CNTNAP2: variants seen among roughly 807,000 people sequenced by gnomAD.
CNTNAP2 encodes the protein contactin-associated protein-like 2.
Under a neutral mutation model 155.2 loss-of-function variants are expected in CNTNAP2, and 98 were observed. The ratio of observed to expected loss-of-function variants is 0.63; its 90% CI spans 0.54 to 0.75. The LOEUF is 0.75. CNTNAP2 is among the 30% of genes least tolerant of loss of function. The pLI, the probability that CNTNAP2 is intolerant of heterozygous loss-of-function variation, is 0.00. For missense variants in CNTNAP2, 1,727 were observed against 1,688.1 expected (o/e 1.02, Z -0.40); for synonymous variants, 651 against 631.2 (o/e 1.03, Z -0.47).
intron 3 of CNTNAP2, among the ~76,000 whole-genome samples, chr7:147,037,251 T>C (rs899636317): frequency 1.3e-5 from 2 of 151,978 alleles, no homozygotes; most frequent in African/African-American, 4.8e-5. Flanking sequence ...AGTGATATGA[T>C]AAAAAGCATC....
intron 15 of CNTNAP2, among the ~76,000 whole-genome samples, chr7:148,047,431 T>C (rs951763686): frequency 2.6e-5 from 4 of 152,194 alleles, no homozygotes; most frequent in Non-Finnish European, 5.9e-5. Flanking sequence ...AAAGCTTATC[T>C]AATAGGCATG....
intron 3 of CNTNAP2, among the ~76,000 whole-genome samples, chr7:146,859,316 T>G (rs1795051733): frequency 6.6e-6 from 1 of 152,212 alleles, no homozygotes; most frequent in Admixed American, 6.5e-5. Context: ...GCCCCTATAG[T>G]TATTGAAGGA....
At chr7:146,550,422 T>TTTTTG (rs1798103636) in intron 1 of CNTNAP2, among the ~76,000 whole-genome samples, 2 of 141,928 alleles carry the variant, frequency 1.4e-5, no homozygotes. Flanking sequence ...TTTTTTTTTT[T>TTTTTG]TTTTTTTATA....
At chr7:147,922,737 T>C (rs1402173726) in intron 14 of CNTNAP2, among the ~76,000 whole-genome samples, 2 of 152,184 alleles carry the variant, frequency 1.3e-5, no homozygotes, top group Admixed American at 1.3e-4. Flanking sequence ...CATGTTCATC[T>C]CTATTAATTA....
At chr7:146,945,190 G>A (rs932552859) in intron 3 of CNTNAP2, among the ~76,000 whole-genome samples, 5 of 152,178 alleles carry the variant, frequency 3.3e-5, no homozygotes, top group African/African-American at 9.6e-5. Context: ...TCTTGTTATC[G>A]TCTGCACCCT....
intron 1 of CNTNAP2, among the ~76,000 whole-genome samples, chr7:146,315,895 A>G (rs997376298): frequency 1.3e-5 from 2 of 152,200 alleles, no homozygotes; most frequent in African/African-American, 4.8e-5. Context: ...CTCTTTTCAT[A>G]AAAAGGAAAA....
intron 2 of CNTNAP2, among the ~76,000 whole-genome samples, chr7:146,824,843 T>C (rs139957227): frequency 0.022 from 3,207 of 142,586 alleles, 107 homozygotes; most frequent in African/African-American, 0.074. Flanking sequence ...TATTAAGGTG[T>C]ACAAAGAATT....
In CNTNAP2 at chr7:147,694,771, T is replaced by G. The variant is rs1230063009; in HGVS notation, c.2098+55465T>G. On this transcript the variant is annotated intron_variant, in intron 13 of 23. Coordinates refer to ENST00000361727, the MANE Select transcript of CNTNAP2 (RefSeq NM_014141.6). ...GGCTTATCAATGTTACTGATCTTTTTGAAGAACCTGTTTTCAGTTTTGTTG... is the reference window on the plus strand; with the variant it reads ...GGCTTATCAATGTTACTGATCTTTTGGAAGAACCTGTTTTCAGTTTTGTTG... Among the ~76,000 whole-genome samples the G allele has an allele frequency of 8.5e-5, 13 of 152,164 alleles. No individual in the cohort carries two copies. The South Asian group carries it at 2.1e-3, about 24-fold the overall frequency.
intron 15 of CNTNAP2, among the ~76,000 whole-genome samples, chr7:148,000,403 C>T (rs757010939): frequency 2.0e-5 from 3 of 152,122 alleles, no homozygotes; most frequent in Admixed American, 6.5e-5. Flanking sequence ...ACATCTGTTG[C>T]GTATCTACCA....
chr7:146,795,392 G>T (rs772997611), intron 2 of CNTNAP2, among the ~76,000 whole-genome samples: 9 of 152,154 alleles, frequency 5.9e-5, no homozygotes, highest in Non-Finnish European at 1.2e-4. Context: ...AACATTAAAA[G>T]TACAGAATAT....
intron 3 of CNTNAP2, among the ~76,000 whole-genome samples, chr7:147,030,391 T>C (rs1799006907): frequency 6.6e-6 from 1 of 152,208 alleles, no homozygotes; most frequent in Admixed American, 6.5e-5. Flanking sequence ...AAGATGAGCC[T>C]TGAAACTAAT....
chr7:147,876,939 T>C (rs1197172791), intron 13 of CNTNAP2, among the ~76,000 whole-genome samples: 1 of 151,862 alleles, frequency 6.6e-6, no homozygotes, highest in Admixed American at 6.6e-5. Context: ...GGGGCTGGTG[T>C]CGGGTGATTT....
Position 146,486,339 on chromosome 7 carries a change from C to T in CNTNAP2, c.98-287932C>T, listed in dbSNP as rs371984271. On this transcript the variant is annotated intron_variant, in intron 1 of 23. Transcript: ENST00000361727. ...TCGGCCTCCCAAAGTGCTGGGATTA[C>T]AGGCGTGAGCAACAGCGCCCAGCCA... Among the ~76,000 whole-genome samples the T allele has an allele frequency of 9.2e-5, 14 of 152,172 alleles. No individual in the cohort carries two copies. In the East Asian group the frequency reaches 2.3e-3, roughly 25 times the overall value.
intron 9 of CNTNAP2, among the ~76,000 whole-genome samples, chr7:147,381,761 T>C (rs910328817): frequency 8.5e-5 from 13 of 152,234 alleles, no homozygotes; most frequent in African/African-American, 3.1e-4. Context: ...TTTACGCTTA[T>C]TAAAAGATAC....
intron 12 of CNTNAP2, among the ~76,000 whole-genome samples, chr7:147,601,681 C>T (rs1447619376): frequency 3.0e-5 from 4 of 135,308 alleles, no homozygotes; most frequent in African/African-American, 1.1e-4. Context: ...ATATACACAC[C>T]ATCATAGTAA....
intron 1 of CNTNAP2, among the ~76,000 whole-genome samples, chr7:146,737,477 T>C (rs977782103): frequency 6.6e-5 from 10 of 152,128 alleles, no homozygotes; most frequent in African/African-American, 2.4e-4. Context: ...ATTTTATTTC[T>C]ATGGGATGAA....
chr7:147,032,212 A>T (rs1472361315), intron 3 of CNTNAP2, among the ~76,000 whole-genome samples: 1 of 152,224 alleles, frequency 6.6e-6, no homozygotes, highest in Non-Finnish European at 1.5e-5. Flanking sequence ...GAGAGATCAA[A>T]TAGTAAACAT....
At chr7:148,310,717 C>A (rs1043461585) in intron 21 of CNTNAP2, among the ~76,000 whole-genome samples, 2 of 151,972 alleles carry the variant, frequency 1.3e-5, no homozygotes, top group Admixed American at 6.6e-5. Flanking sequence ...GACGAAGAGA[C>A]CTTGTGCGAG....
intron 1 of CNTNAP2, among the ~76,000 whole-genome samples, chr7:146,468,430 A>T (rs1285084042): frequency 1.3e-5 from 2 of 151,852 alleles, no homozygotes; most frequent in African/African-American, 4.8e-5. Context: ...TGAATCTAAA[A>T]TCAAAGTCAG....
Sources: allele counts gnomAD v4.1 joint callset (sites outside exome capture counted in the v4.1 genomes callset), GRCh38; gene constraint gnomAD v4.1.1; transcripts MANE v1.5; gene names NCBI Gene and HGNC (gene_info 2026-07-23, HGNC 2026-07-21).